Variants in PPARGC1A observed in about 807,000 individuals in gnomAD.
PPARGC1A encodes peroxisome proliferator-activated receptor gamma coactivator 1-alpha.
Under a neutral mutation model 88.7 loss-of-function variants are expected in PPARGC1A, and 25 were observed. The ratio of observed to expected loss-of-function variants is 0.28; its 90% CI spans 0.21 to 0.39. The LOEUF is 0.39. Ranked by LOEUF, PPARGC1A falls within the 10% of genes least tolerant of loss-of-function variation. The pLI, the probability that PPARGC1A is intolerant of heterozygous loss-of-function variation, is 1.00. For missense variants in PPARGC1A, 880 were observed against 968.7 expected (o/e 0.91, Z 1.22); for synonymous variants, 363 against 355.6 (o/e 1.02, Z -0.24).
upstream of PPARGC1A, among the ~76,000 whole-genome samples, chr4:23,895,041 G>A (rs1337158434): frequency 6.7e-6 from 1 of 150,304 alleles, no homozygotes; most frequent in Non-Finnish European, 1.5e-5. Flanking sequence ...ATTTTAAAGT[G>A]CTACAGAACT....
At chr4:24,452,541 C>T in the PPARGC1A span, among the ~76,000 whole-genome samples, 1 of 152,192 alleles carries the variant, frequency 6.6e-6, no homozygotes, top group African/African-American at 2.4e-5. Flanking sequence ...AGCTAAAAGA[C>T]ACTAGGCCAC....
chr4:23,883,811 C>A (rs1430137389), intron 2 of PPARGC1A: 1 of 152,152 alleles, frequency 6.6e-6, no homozygotes. Flanking sequence ...ATATTTTAAA[C>A]TTGGCTTTCT....
At chr4:23,871,577 G>A (rs578025641) in intron 2 of PPARGC1A, among the ~76,000 whole-genome samples, 37 of 152,272 alleles carry the variant, frequency 2.4e-4, no homozygotes, top group African/African-American at 8.4e-4. Context: ...GGGTGTCCCC[G>A]CTAAGTATGG....
At position 23,800,942 on chromosome 4, in the gene PPARGC1A, C is replaced by T. The variant is rs1424025129; in HGVS notation, c.2293+788G>A. Among the ~76,000 whole-genome samples, 4 of 149,446 alleles carry T rather than the reference C, an allele frequency of 2.7e-5. No individual in the cohort carries two copies. In the East Asian group the frequency reaches 7.8e-4, roughly 29 times the overall value. Reference sequence around the variant, plus strand: ...GCACAGTGTCTGGCATATGGAAGCACTCAACAAATAACAGGTGTTTCTTTC... The same window carrying T: ...GCACAGTGTCTGGCATATGGAAGCATTCAACAAATAACAGGTGTTTCTTTC... On this transcript the variant is annotated intron_variant, in intron 12 of 12. Transcript: ENST00000264867.
chr4:24,030,467 A>G, the PPARGC1A span, among the ~76,000 whole-genome samples: 1 of 152,254 alleles, frequency 6.6e-6, no homozygotes, highest in African/African-American at 2.4e-5. Context: ...GCTGCTCCTT[A>G]TTAATTCATA....
the PPARGC1A span, among the ~76,000 whole-genome samples, chr4:24,344,519 C>T: frequency 6.6e-6 from 1 of 151,638 alleles, no homozygotes; most frequent in Admixed American, 6.6e-5. Context: ...AGCATTTTTT[C>T]ATATATTCGT....
At chr4:24,207,740 T>C in the PPARGC1A span, among the ~76,000 whole-genome samples, 5 of 152,218 alleles carry the variant, frequency 3.3e-5, no homozygotes, top group African/African-American at 1.2e-4. Flanking sequence ...TTATTGTTTT[T>C]TTCTGTAAAG....
At chr4:24,194,163 A>T in the PPARGC1A span, among the ~76,000 whole-genome samples, 1 of 151,672 alleles carries the variant, frequency 6.6e-6, no homozygotes, top group Non-Finnish European at 1.5e-5. Context: ...AATGAACAAC[A>T]GGAAAAAGAA....
At chr4:24,261,289 C>G in the PPARGC1A span, among the ~76,000 whole-genome samples, 5 of 152,172 alleles carry the variant, frequency 3.3e-5, no homozygotes, top group Admixed American at 2.6e-4. Context: ...GAATCCCTGC[C>G]CTGGCACTCC....
chr4:24,198,670 C>T, the PPARGC1A span, among the ~76,000 whole-genome samples: 1 of 152,110 alleles, frequency 6.6e-6, no homozygotes, highest in Admixed American at 6.5e-5. Flanking sequence ...AGCCTAAGGC[C>T]AGGACATGGA....
the PPARGC1A span, among the ~76,000 whole-genome samples, chr4:24,106,317 A>T: frequency 1.3e-5 from 2 of 152,212 alleles, no homozygotes; most frequent in African/African-American, 4.8e-5. Context: ...CAAAGGCAAC[A>T]ATCAACTGAT....
chr4:24,287,206 C>A, the PPARGC1A span, among the ~76,000 whole-genome samples: 7 of 124,042 alleles, frequency 5.6e-5, no homozygotes, highest in Non-Finnish European at 9.7e-5. Flanking sequence ...CCAGTTGTGA[C>A]CAAAAAAAAA....
intron 12 of PPARGC1A, among the ~76,000 whole-genome samples, chr4:23,800,052 A>C (rs1718376459): frequency 6.6e-6 from 1 of 152,144 alleles, no homozygotes; most frequent in Non-Finnish European, 1.5e-5. Flanking sequence ...TGTGGAGTGA[A>C]TTATAGCATA....
the PPARGC1A span, among the ~76,000 whole-genome samples, chr4:24,216,142 CTTTTTTTTTTTT>C: frequency 0.012 from 1,017 of 83,266 alleles, 13 homozygotes; most frequent in African/African-American, 0.04. Flanking sequence ...GCAGCTAACT[CTTTTTTTTTTTT>C]TTTTTTTTTT....
the PPARGC1A span, among the ~76,000 whole-genome samples, chr4:24,430,789 A>T: frequency 8.3e-4 from 126 of 152,244 alleles, no homozygotes; most frequent in African/African-American, 1.4e-3. Flanking sequence ...CAGAAGAGAC[A>T]TGGTATGAGT....
the PPARGC1A span, among the ~76,000 whole-genome samples, chr4:24,033,228 A>G: frequency 6.6e-6 from 1 of 152,210 alleles, no homozygotes. Context: ...CCTCTTCTGT[A>G]TAATGGAGGT....
chr4:24,273,985 C>T, the PPARGC1A span, among the ~76,000 whole-genome samples: 6 of 151,706 alleles, frequency 4.0e-5, no homozygotes, highest in Non-Finnish European at 7.4e-5. Context: ...GGTGATCCAC[C>T]GCCTCAACCT....
rs1728263825 is a variant in PPARGC1A, at chr4:23,846,107, T to C, written c.235-14356A>G. ...AAAAGCACGTGTCCCTGTAACAGCA[T>C]GGAAAATGACAAGACAGGTGTAAAT... On this transcript the variant is annotated intron_variant, in intron 2 of 12. Transcript: ENST00000264867. Among the ~76,000 whole-genome samples the C allele has an allele frequency of 2.6e-5, 4 of 152,124 alleles. No homozygotes were observed. The South Asian group carries it at 6.2e-4, about 24-fold the overall frequency.
the PPARGC1A span, among the ~76,000 whole-genome samples, chr4:24,337,117 G>A: frequency 6.6e-6 from 1 of 152,084 alleles, no homozygotes; most frequent in Non-Finnish European, 1.5e-5. Context: ...ACTAAGAATC[G>A]TTCTTATAAA....
Sources: gnomAD v4.1 joint callset for allele counts (sites outside exome capture counted in the v4.1 genomes callset) on GRCh38, gnomAD v4.1.1 for gene constraint, MANE v1.5 for transcripts, NCBI Gene and HGNC (gene_info 2026-07-23, HGNC 2026-07-21) for gene names.